CEP104: variants seen among roughly 807,000 people sequenced by gnomAD.
CEP104 encodes centrosomal protein of 104 kDa.
CEP104 carries 84 observed loss-of-function variants against 113.3 expected under a neutral mutation model. The observed-to-expected ratio is 0.74, with a 90% confidence interval of 0.62 to 0.89. CEP104 has a LOEUF of 0.89. Among genes scored for constraint, CEP104 ranks in the 40% least tolerant of loss-of-function variants. The pLI, the probability that CEP104 is intolerant of heterozygous loss-of-function variation, is 0.00. For missense variants in CEP104, 1,053 were observed against 1,156.6 expected (o/e 0.91, Z 1.30); for synonymous variants, 378 against 421.7 (o/e 0.90, Z 1.27).
At position 3,831,263 on chromosome 1, in the gene CEP104, T is replaced by C. The variant is rs72847470; in HGVS notation, c.1660-41A>G. The C allele has an allele frequency of 6.1e-3, 9,566 of 1,576,854 alleles. 486 individuals are homozygous for C. The African/African-American group carries it at 0.11, about 18-fold the overall frequency. ...TAATTTGTTAATTTTTACTGGAAAA[T>C]GCTGGAGGCAGTTTAGTACAATTCA... On this transcript the variant is annotated intron_variant, in intron 12 of 21. Coordinates refer to ENST00000378230, the MANE Select transcript of CEP104 (RefSeq NM_014704.4).
intron 20 of CEP104, among the ~76,000 whole-genome samples, chr1:3,818,065 C>A (rs944397068): frequency 2.6e-5 from 4 of 152,232 alleles, no homozygotes; most frequent in Non-Finnish European, 5.9e-5. Flanking sequence ...AAGAGCCAGG[C>A]GGCTGCGATC....
chr1:3,814,992 G>C lies in CEP104; in HGVS notation c.*410C>G, dbSNP rs1281619038. On this transcript the variant is annotated 3_prime_UTR_variant, in exon 22 of 22. Transcript: ENST00000378230. Reference sequence around the variant, plus strand: ...TACTGCGTGTGGCAGAGACCGATGTGCAAAAGGTTTCTGGTGAATGTTTTA... The same window carrying C: ...TACTGCGTGTGGCAGAGACCGATGTCCAAAAGGTTTCTGGTGAATGTTTTA... The C allele has an allele frequency of 5.9e-6, 1 of 169,890 alleles. No homozygotes were observed. Among genetic ancestry groups the C allele is most frequent in the Non-Finnish European group, 1.3e-5 (1 of 77,532 alleles). 10.5% of individuals were successfully genotyped at this position (169,890 alleles called of 1,614,324 possible). A position where few individuals can be genotyped will look rare whatever the true frequency, so the allele number is the denominator to read the frequency against.
intron 15 of CEP104, among the ~76,000 whole-genome samples, chr1:3,828,402 C>T (rs1229350684): frequency 1.3e-5 from 2 of 152,200 alleles, no homozygotes; most frequent in South Asian, 2.1e-4. Flanking sequence ...GTGACTCTGA[C>T]GTTCCAGCAT....
At chr1:3,824,572 G>A (rs1052856747) in intron 18 of CEP104, among the ~76,000 whole-genome samples, 2 of 152,198 alleles carry the variant, frequency 1.3e-5, no homozygotes, top group African/African-American at 4.8e-5. Context: ...GGGAGCAGAT[G>A]GTCACAATTC....
Position 3,825,877 on chromosome 1 carries a change from A to AAGG in CEP104, c.2256-12_2256-11insCCT. 7.6e-6 allele frequency: 12 copies of AAGG among 1,578,374 alleles called. No homozygotes were observed. The highest frequency in any genetic ancestry group is 1.0e-5 in the Non-Finnish European group (12 of 1,147,258). ...CAAAAAATACACAAACTGAAAGCAA[A>AAGG]GCAAAGCAGGAAATAAAGGTAAGGA... On this transcript the variant is annotated splice_polypyrimidine_tract_variant and intron_variant, in intron 17 of 21. Transcript: ENST00000378230.
rs1455469170 is a variant in CEP104 at position 3,812,422 on chromosome 1, G to T, written c.*2980C>A. ...ATTCCTAATTTAGATATTTATTTAT[G>T]AATGACCAAGGGATTTTACAGTTCC... On this transcript the variant is annotated 3_prime_UTR_variant, in exon 22 of 22. Coordinates refer to ENST00000378230, the MANE Select transcript of CEP104 (RefSeq NM_014704.4). 6.6e-6 allele frequency: 1 copy of T among 152,100 alleles called. No homozygotes were observed. The highest frequency in any genetic ancestry group is 2.4e-5 in the African/African-American group (1 of 41,414). The allele number at this position is 152,100 out of a possible 1,614,324, so 9.4% of individuals were successfully genotyped here. A position where few individuals can be genotyped will look rare whatever the true frequency, so the allele number is the denominator to read the frequency against.
intron 3 of CEP104, chr1:3,847,852 T>A: frequency 2.0e-6 from 1 of 499,142 alleles, no homozygotes; most frequent in East Asian, 3.9e-5. Context: ...TTGTTGTTGT[T>A]GAGATGGAGT....
Position 3,837,148 on chromosome 1 carries a change from A to C in CEP104, c.1119+144T>G, listed in dbSNP as rs115115143. The C allele has an allele frequency of 0.012, 7,760 of 651,902 alleles. 59 individuals carry two copies. The highest frequency in any genetic ancestry group is 0.018 in the Non-Finnish European group (6,573 of 370,974). 40.4% of individuals were successfully genotyped at this position (651,902 alleles called of 1,614,324 possible). A position where few individuals can be genotyped will look rare whatever the true frequency, so the allele number is the denominator to read the frequency against. Reference sequence around the variant, plus strand: ...TTATGTGGCTATGCTCTCACTCAGCACTATGGCTCCTAGAATGGAACAGAG... The same window carrying C: ...TTATGTGGCTATGCTCTCACTCAGCCCTATGGCTCCTAGAATGGAACAGAG... On this transcript the variant is annotated intron_variant, in intron 9 of 21. Coordinates refer to ENST00000378230, the MANE Select transcript of CEP104 (RefSeq NM_014704.4).
rs1553162960 is a variant in CEP104 at position 3,836,479 on chromosome 1, T to TTTTG, written c.1317+15_1317+16insCAAA. On this transcript the variant is annotated intron_variant, in intron 10 of 21. Coordinates refer to ENST00000378230, the MANE Select transcript of CEP104 (RefSeq NM_014704.4). Reference sequence around the variant, plus strand: ...CCCTCTGCCACCCCGTTTTTTTTTTTTTTTTTTTTTTTTACCAAGGTTTCT... The same window carrying TTTTG: ...CCCTCTGCCACCCCGTTTTTTTTTTTTTTGTTTTTTTTTTTTTACCAAGGTTTCT... 35 of 1,463,602 alleles carry TTTTG rather than the reference T, an allele frequency of 2.4e-5. No homozygotes were observed. Among genetic ancestry groups the TTTTG allele is most frequent in the Non-Finnish European group, 3.1e-5 (35 of 1,112,832 alleles). The allele number at this position is 1,463,602 out of a possible 1,614,324, so 90.7% of individuals were successfully genotyped here. A position where few individuals can be genotyped will look rare whatever the true frequency, so the allele number is the denominator to read the frequency against.
Position 3,816,344 on chromosome 1 carries a change from T to C in CEP104, c.2598A>G (p.Pro866=), listed in dbSNP as rs763613947. The C allele has an allele frequency of 1.3e-6, 2 of 1,553,012 alleles. No individual in the cohort carries two copies. Among genetic ancestry groups the C allele is most frequent in the Non-Finnish European group, 8.7e-7 (1 of 1,147,794 alleles). Residue 866 remains proline (P), a synonymous_variant, in exon 21 of 22, where the codon CCA becomes CCG. Transcript: ENST00000378230. ...TGCGCAGGTTCATCGTGCAGCCGGCTGGGCCCATCAGGTGAGCTTTCCATG... is the reference window on the plus strand; with the variant it reads ...TGCGCAGGTTCATCGTGCAGCCGGCCGGGCCCATCAGGTGAGCTTTCCATG... ...EEAWKAHLMG[P]AGCTMNLRKT...
Position 3,815,298 on chromosome 1 carries a change from AGCCAGAGCATGGGGCCACCAAG to A in CEP104, c.*82_*103del, listed in dbSNP as rs1446505775. The A allele has an allele frequency of 4.7e-6, 4 of 845,012 alleles. No homozygotes were observed. The highest frequency in any genetic ancestry group is 1.7e-5 in the African/African-American group (1 of 59,328). The allele number at this position is 845,012 out of a possible 1,614,324, so 52.3% of individuals were successfully genotyped here. ...TGCACGGCGGGGAGCTGGGGACAGC[AGCCAGAGCATGGGGCCACCAAG>A]GCCAGAGAGTTCTGGAGAGATGGTG... On this transcript the variant is annotated 3_prime_UTR_variant, in exon 22 of 22. Coordinates refer to ENST00000378230, the MANE Select transcript of CEP104 (RefSeq NM_014704.4).
intron 10 of CEP104, 51 bp from the exon 11 acceptor site, chr1:3,835,143 A>C: frequency 1.4e-6 from 2 of 1,421,840 alleles, no homozygotes. Flanking sequence ...ATCCTCCAAC[A>C]CTACACAACT....
chr1:3,837,300 T>C lies in CEP104; in HGVS notation c.1111A>G (p.Lys371Glu), dbSNP rs775411917. Residue 371 changes from lysine to glutamate, a missense_variant, in exon 9 of 22, where the codon AAG becomes GAG. Coordinates refer to ENST00000378230, the MANE Select transcript of CEP104 (RefSeq NM_014704.4). ...PLLPATDPHP[K>E]INAESLPYDE... ...GAAACAGAATTACCTACATTGATCT[T>C]TGGATGAGGATCTGTGGCAGGGAGT... is the stretch of plus-strand genomic sequence containing the variant. The C allele has an allele frequency of 1.2e-6, 2 of 1,610,232 alleles. No individual in the cohort carries two copies.
At chr1:3,828,077 G>A (rs12134919) in intron 15 of CEP104, among the ~76,000 whole-genome samples, 34,154 of 152,028 alleles carry the variant, frequency 0.22, 4,195 homozygotes, top group Non-Finnish European at 0.27. Context: ...AGGATGGACA[G>A]TGCTGGGAAT....
intron 1 of CEP104, among the ~76,000 whole-genome samples, chr1:3,855,034 G>A (rs1385378241): frequency 6.7e-6 from 1 of 149,670 alleles, no homozygotes; most frequent in African/African-American, 2.5e-5. Context: ...ACCACACCCA[G>A]CTAATTTTTG....
chr1:3,829,234 G>T, intron 15 of CEP104, 32 bp downstream of exon 15: 1 of 1,425,312 alleles, frequency 7.0e-7, no homozygotes, highest in Non-Finnish European at 9.6e-7. Flanking sequence ...TCAGCTAAAA[G>T]CACACAGGTG....
intron 9 of CEP104, chr1:3,836,907 T>C: frequency 1.8e-6 from 1 of 555,900 alleles, no homozygotes; most frequent in Non-Finnish European, 3.1e-6. Context: ...TCTAAACTCA[T>C]TACAGACCTA....
chr1:3,815,398 C>T lies in CEP104; in HGVS notation c.*4G>A, dbSNP rs374365915. On this transcript the variant is annotated 3_prime_UTR_variant, in exon 22 of 22. Transcript: ENST00000378230. ...CACAGAGACCAAGGAGCCCGAGCGC[C>T]GCGTCAGCGCTTGGCGTACGTCCTG... 197 of 1,601,486 alleles carry T rather than the reference C, an allele frequency of 1.2e-4. No individual in the cohort carries two copies. Among genetic ancestry groups the T allele is most frequent in the Non-Finnish European group, 1.6e-4 (185 of 1,173,004 alleles).
At chr1:3,844,362 C>T (rs1644467713) in intron 6 of CEP104, among the ~76,000 whole-genome samples, 1 of 152,108 alleles carries the variant, frequency 6.6e-6, no homozygotes, top group Admixed American at 6.6e-5. Context: ...AATCCCATCA[C>T]TTTGGGAGGC....
Sources: allele counts gnomAD v4.1 joint callset (sites outside exome capture counted in the v4.1 genomes callset), GRCh38; gene constraint gnomAD v4.1.1; transcripts MANE v1.5; gene names NCBI Gene and HGNC (gene_info 2026-07-23, HGNC 2026-07-21).